Variants in CD247 observed in about 807,000 individuals in gnomAD.
CD247 encodes the protein CD247 molecule, also known as T-cell surface glycoprotein CD3 zeta chain.
Under a neutral mutation model 30.0 loss-of-function variants are expected in CD247, and 13 were observed. The ratio of observed to expected loss-of-function variants is 0.43; its 90% confidence interval spans 0.28 to 0.69. The LOEUF (loss-of-function observed/expected upper bound fraction) is 0.69, where lower values mean the gene tolerates loss of function less well. CD247 is among the 30% of genes least tolerant of loss of function. The pLI is 0.16. For synonymous variants in CD247, 72 were observed against 80.0 expected (o/e 0.90, Z 0.53); for missense variants, 193 against 212.6 (o/e 0.91, Z 0.57).
Position 167,518,414 on chromosome 1 carries a change from T to C in CD247, c.52A>G (p.Ile18Val). Reference protein sequence around the residue: ...TAAILQAQLPITEAQSFGLLD... With the variant: ...TAAILQAQLPVTEAQSFGLLD... ...GTCGACACGTCGGCCCTACCTGTAATCGGCAACTGTGCCTGCAGGATGGCC... is the reference window on the plus strand; with the variant it reads ...GTCGACACGTCGGCCCTACCTGTAACCGGCAACTGTGCCTGCAGGATGGCC... The change falls in exon 1 of 8, where the codon ATT (isoleucine) becomes GTT (valine). Residue 18 changes from isoleucine (I) to valine (V), a missense_variant. By Grantham distance (29) the Ile-to-Val change is conservative (BLOSUM62 3). Transcript: ENST00000362089. The C allele has an allele frequency of 6.2e-7, 1 of 1,614,156 alleles. No individual in the cohort carries two copies. The highest frequency in any genetic ancestry group is 1.7e-5 in the Admixed American group (1 of 60,020).
chr1:167,495,220 T>C (rs1654633576), intron 1 of CD247, among the ~76,000 whole-genome samples: 1 of 152,234 alleles, frequency 6.6e-6, no homozygotes, highest in Non-Finnish European at 1.5e-5. Context: ...GTCTACGATA[T>C]GTTACATAAC....
At position 167,435,390 on chromosome 1, in the gene CD247, T is replaced by C. The variant is rs1442532553; in HGVS notation, c.336+9A>G. ...TTCCAAGGTCAAATGTGAGGTCTCC[T>C]CTACTCACATTGTACAGGCCTTCCT... is the stretch of plus-strand genomic sequence containing the variant. On this transcript the variant is annotated intron_variant, in intron 5 of 7. Transcript: ENST00000362089. 1.2e-6 allele frequency: 2 copies of C among 1,604,972 alleles called. No individual in the cohort carries two copies. Among genetic ancestry groups the C allele is most frequent in the South Asian group, 2.2e-5 (2 of 90,882 alleles).
chr1:167,448,273 C>T, intron 1 of CD247: 1 of 763,430 alleles, frequency 1.3e-6, no homozygotes. Context: ...TGCCTAATGT[C>T]TACAGCCAGG....
At chr1:167,432,967 A>G (rs1172290335) in intron 7 of CD247, 57 bp downstream of exon 7, 8 of 1,591,750 alleles carry the variant, frequency 5.0e-6, no homozygotes, top group Non-Finnish European at 6.9e-6. Flanking sequence ...GGGGGCCTTG[A>G]TCTTGCCCCT....
At chr1:167,438,517 G>A (rs889164308) in intron 4 of CD247, 53 bp downstream of exon 4, 3 of 1,419,792 alleles carry the variant, frequency 2.1e-6, no homozygotes, top group East Asian at 2.3e-5. Flanking sequence ...CACAGCCTGG[G>A]CTGAGCCCCA....
In CD247 at chr1:167,431,470, C is replaced by CCAGGGA; in HGVS notation, c.*210_*211insTCCCTG. The stretch of plus-strand genomic sequence containing the variant: ...AAACCAGAGGGCCCAAGGCCAGGGC[C>CCAGGGA]GTAAGCCCTGGGAGTACACTCCCTT... On this transcript the variant is annotated 3_prime_UTR_variant, in exon 8 of 8. Coordinates refer to ENST00000362089, the MANE Select transcript of CD247 (RefSeq NM_198053.3). 1.6e-6 allele frequency: 1 copy of CCAGGGA among 631,130 alleles called. No individual in the cohort carries two copies. The highest frequency in any genetic ancestry group is 1.8e-5 in the South Asian group (1 of 54,492). The allele number at this position is 631,130 out of a possible 1,614,324, so 39.1% of individuals were successfully genotyped here. A position where few individuals can be genotyped will look rare whatever the true frequency, so the allele number is the denominator to read the frequency against.
chr1:167,516,475 G>C (rs1303518617), intron 1 of CD247, among the ~76,000 whole-genome samples: 1 of 152,182 alleles, frequency 6.6e-6, no homozygotes, highest in Non-Finnish European at 1.5e-5. Context: ...GTATGCAATG[G>C]GTCACTTAAC....
chr1:167,435,499 C>A, intron 4 of CD247, 65 bp from the exon 5 acceptor site: 1 of 1,320,714 alleles, frequency 7.6e-7, no homozygotes, highest in Non-Finnish European at 1.1e-6. Context: ...GAAAGTACAG[C>A]AAACCCCATC....
intron 7 of CD247, 133 bp from the exon 8 acceptor site, chr1:167,431,879 TAATCCCCCTGGCCCCACGGGCA>T (rs1389660589): frequency 3.4e-5 from 26 of 760,572 alleles, no homozygotes; most frequent in Non-Finnish European, 5.2e-5. Context: ...GGCCCAGGAA[TAATCCCCCTGGCCCCACGGGCA>T]GGAGCCTTGG....
At chr1:167,447,966 G>T (rs912882878) in intron 1 of CD247, among the ~76,000 whole-genome samples, 1 of 145,458 alleles carries the variant, frequency 6.9e-6, no homozygotes, top group East Asian at 2.1e-4. Flanking sequence ...GCAGCTATGG[G>T]TGGGGGGGTG....
In CD247 at chr1:167,468,851, G is replaced by A. The variant is rs76263434; in HGVS notation, c.59-28084C>T. Among the ~76,000 whole-genome samples, 194 of 152,030 alleles carry A rather than the reference G, an allele frequency of 1.3e-3. 3 individuals are homozygous for A. The East Asian group carries it at 0.025, about 20-fold the overall frequency. On this transcript the variant is annotated intron_variant, in intron 1 of 7. Coordinates refer to ENST00000362089, the MANE Select transcript of CD247 (RefSeq NM_198053.3). ...GCTCCTAGACTGAGATGCTCCACCC[G>A]GCTGATTTGTTGTGAATTAAGGGAA...
chr1:167,515,679 A>C (rs538947431), intron 1 of CD247, among the ~76,000 whole-genome samples: 14 of 152,316 alleles, frequency 9.2e-5, no homozygotes, highest in African/African-American at 3.4e-4. Context: ...CTCTGCAATC[A>C]TTGTTATGTT....
chr1:167,440,631 C>T (rs529292542), intron 2 of CD247, 33 bp downstream of exon 2: 10 of 1,463,092 alleles, frequency 6.8e-6, no homozygotes, highest in East Asian at 4.5e-5. Flanking sequence ...TGGGGGACCC[C>T]GTGCCCTCCT....
intron 1 of CD247, among the ~76,000 whole-genome samples, chr1:167,503,466 A>G (rs536999148): frequency 1.7e-4 from 26 of 152,306 alleles, no homozygotes; most frequent in Admixed American, 9.8e-4. Context: ...GCATAACTCT[A>G]TCTTCCTCCC....
chr1:167,476,851 G>T (rs2102057887), intron 1 of CD247, among the ~76,000 whole-genome samples: 1 of 152,218 alleles, frequency 6.6e-6, no homozygotes, highest in Non-Finnish European at 1.5e-5. Flanking sequence ...TTATGTTTCA[G>T]GTTCATTCTA....
At chr1:167,493,185 G>T (rs1487742901) in intron 1 of CD247, among the ~76,000 whole-genome samples, 1 of 151,652 alleles carries the variant, frequency 6.6e-6, no homozygotes, top group Non-Finnish European at 1.5e-5. Context: ...TGGGATTACA[G>T]GTGTCCACCA....
intron 1 of CD247, among the ~76,000 whole-genome samples, chr1:167,472,635 T>C (rs1436902665): frequency 1.3e-5 from 2 of 152,230 alleles, no homozygotes; most frequent in Non-Finnish European, 2.9e-5. Context: ...TATTAGGATT[T>C]TGCTGGCTGT....
intron 1 of CD247, among the ~76,000 whole-genome samples, chr1:167,491,438 C>T (rs1654446547): frequency 6.6e-6 from 1 of 152,084 alleles, no homozygotes; most frequent in Non-Finnish European, 1.5e-5. Context: ...CATGGTGGCC[C>T]ATGCCTGTAA....
At chr1:167,485,981 T>G (rs1274249624) in intron 1 of CD247, among the ~76,000 whole-genome samples, 1 of 152,044 alleles carries the variant, frequency 6.6e-6, no homozygotes, top group Non-Finnish European at 1.5e-5. Flanking sequence ...AGAGTCATTG[T>G]GGGCCGCCTT....
Sources: allele counts gnomAD v4.1 joint callset (sites outside exome capture counted in the v4.1 genomes callset), GRCh38; gene constraint gnomAD v4.1.1; transcripts MANE v1.5; gene names NCBI Gene and HGNC (gene_info 2026-07-23, HGNC 2026-07-21).